Variants in TMIGD3 observed in about 807,000 individuals in gnomAD.
TMIGD3 encodes the protein transmembrane and immunoglobulin domain containing 3, also known as AD026 protein (AD026).
TMIGD3 carries 21 observed loss-of-function variants against 28.1 expected under a neutral mutation model. The ratio of observed to expected loss-of-function variants is 0.75; its 90% CI spans 0.53 to 1.08. The LOEUF is 1.08. Ranked by LOEUF, TMIGD3 falls within the 50% of genes least tolerant of loss-of-function variation. The pLI, the probability that TMIGD3 is intolerant of heterozygous loss-of-function variation, is 0.00. For synonymous variants in TMIGD3, 151 were observed against 162.1 expected (o/e 0.93, Z 0.52); for missense variants, 416 against 435.6 (o/e 0.96, Z 0.40).
chr1:111,551,523 T>A (rs935936116), intron 1 of TMIGD3, among the ~76,000 whole-genome samples: 10 of 152,216 alleles, frequency 6.6e-5, no homozygotes, highest in African/African-American at 2.4e-4. Context: ...TCCTATATAG[T>A]TCAGTTTCTT....
chr1:111,530,011 C>G (rs1252645946), intron 1 of TMIGD3, among the ~76,000 whole-genome samples: 4 of 98,652 alleles, frequency 4.1e-5, no homozygotes, highest in Non-Finnish European at 8.5e-5. Context: ...GACCCCCCCA[C>G]CTCCCTCCCG....
intron 1 of TMIGD3, among the ~76,000 whole-genome samples, chr1:111,511,812 C>A (rs1346146976): frequency 2.0e-5 from 3 of 152,160 alleles, no homozygotes; most frequent in Non-Finnish European, 2.9e-5. Context: ...GTCTTGTTCA[C>A]AATTCTATCT....
At position 111,546,937 on chromosome 1, in the gene TMIGD3, T is replaced by C. The variant is rs114062715; in HGVS notation, c.107+16909A>G. Among the ~76,000 whole-genome samples, 1,424 of 152,298 alleles carry C rather than the reference T, an allele frequency of 9.4e-3. 28 individuals are homozygous for C. Among genetic ancestry groups the C allele is most frequent in the African/African-American group, 0.033 (1,363 of 41,560 alleles). On this transcript the variant is annotated intron_variant, in intron 1 of 5. Transcript: ENST00000369717. The stretch of plus-strand genomic sequence containing the variant: ...TCCATATCGTCACCAACATTGTTAT[T>C]TTCTGTTTTGTTTTGTTTTGGTTTT...
chr1:111,559,360 T>A (rs1391549658), intron 1 of TMIGD3, among the ~76,000 whole-genome samples: 1 of 152,202 alleles, frequency 6.6e-6, no homozygotes, highest in Non-Finnish European at 1.5e-5. Flanking sequence ...ACACCCACTA[T>A]TAGGCATTTA....
chr1:111,553,781 C>T (rs1657371342), intron 1 of TMIGD3, among the ~76,000 whole-genome samples: 1 of 152,224 alleles, frequency 6.6e-6, no homozygotes, highest in African/African-American at 2.4e-5. Flanking sequence ...TTTCCTTTCC[C>T]CTTTTTTCCT....
intron 1 of TMIGD3, among the ~76,000 whole-genome samples, chr1:111,520,797 G>A (rs1656031707): frequency 6.6e-6 from 1 of 152,170 alleles, no homozygotes; most frequent in South Asian, 2.1e-4. Flanking sequence ...TTGTGTGCTG[G>A]TAGGTAGTAA....
In TMIGD3 at chr1:111,499,397, C is replaced by T. The variant is rs190300195; in HGVS notation, c.350+3608G>A. On this transcript the variant is annotated intron_variant, in intron 1 of 5. Coordinates refer to ENST00000369716, the MANE Select transcript of TMIGD3 (RefSeq NM_020683.7). The stretch of plus-strand genomic sequence containing the variant: ...AGACAGCCAGCTGGGTCTTTAAGCC[C>T]CAAGTTACCCCAGCAAAGAGCTACA... 8.2e-4 allele frequency: 815 copies of T among 988,194 alleles called. 4 individuals are homozygous for T. In the African/African-American group the frequency reaches 0.013, roughly 16 times the overall value. 61.2% of individuals were successfully genotyped at this position (988,194 alleles called of 1,614,324 possible).
At chr1:111,522,738 G>A (rs1054324694) in intron 1 of TMIGD3, among the ~76,000 whole-genome samples, 4 of 151,898 alleles carry the variant, frequency 2.6e-5, no homozygotes, top group East Asian at 1.9e-4. Flanking sequence ...GGCTGGTCTC[G>A]AACTCCTGAC....
At position 111,483,475 on chromosome 1, in the gene TMIGD3, T is replaced by G; in HGVS notation, c.*212A>C. 3.7e-6 allele frequency: 2 copies of G among 537,436 alleles called. No homozygotes were observed. The allele number at this position is 537,436 out of a possible 1,614,324, so 33.3% of individuals were successfully genotyped here. On this transcript the variant is annotated 3_prime_UTR_variant, in exon 6 of 6. Transcript: ENST00000369716. ...ATGCATAAGAACTAAGATCTTGAGA[T>G]GTTATTTGAGGGCAGCCTTGCTTGG...
intron 1 of TMIGD3, among the ~76,000 whole-genome samples, chr1:111,496,501 C>G (rs1279792667): frequency 6.6e-6 from 1 of 152,186 alleles, no homozygotes; most frequent in Non-Finnish European, 1.5e-5. Context: ...AACAGTAAAA[C>G]AAAACTTAAG....
intron 1 of TMIGD3, chr1:111,500,062 T>C (rs775106794): frequency 1.9e-6 from 3 of 1,614,230 alleles, no homozygotes; most frequent in African/African-American, 1.3e-5. Context: ...TTTATAGGCA[T>C]AGACGATAGG....
chr1:111,534,760 T>C (rs1260182528), intron 1 of TMIGD3, among the ~76,000 whole-genome samples: 1 of 152,082 alleles, frequency 6.6e-6, no homozygotes, highest in Non-Finnish European at 1.5e-5. Context: ...GTGTTTTGTG[T>C]TTGTGCATGT....
chr1:111,541,445 G>T (rs915185460), intron 1 of TMIGD3, among the ~76,000 whole-genome samples: 5 of 152,170 alleles, frequency 3.3e-5, no homozygotes, highest in African/African-American at 1.2e-4. Context: ...ACTAAAATCA[G>T]TAGATGTTTT....
chr1:111,509,093 T>G (rs1459088265), intron 1 of TMIGD3, among the ~76,000 whole-genome samples: 1 of 152,118 alleles, frequency 6.6e-6, no homozygotes, highest in Non-Finnish European at 1.5e-5. Context: ...AGACTCCGTC[T>G]CAAACAAACA....
At chr1:111,502,403 TTTA>T (rs1254737062) in intron 1 of TMIGD3, among the ~76,000 whole-genome samples, 1 of 133,454 alleles carries the variant, frequency 7.5e-6, no homozygotes, top group African/African-American at 2.8e-5. Flanking sequence ...GATACATATA[TTTA>T]TTATAGTGAA....
At chr1:111,500,623 G>A in intron 1 of TMIGD3, 3 of 1,469,524 alleles carry the variant, frequency 2.0e-6, no homozygotes, top group Non-Finnish European at 2.8e-6. Flanking sequence ...AGATGGAGCT[G>A]GTAAAGGAGA....
chr1:111,534,361 A>G (rs930317502), intron 1 of TMIGD3, among the ~76,000 whole-genome samples: 2 of 152,198 alleles, frequency 1.3e-5, no homozygotes, highest in Admixed American at 6.5e-5. Context: ...CAAAACGACA[A>G]TCTTGGCATC....
chr1:111,509,931 G>A (rs1220064999), intron 1 of TMIGD3, among the ~76,000 whole-genome samples: 3 of 152,232 alleles, frequency 2.0e-5, no homozygotes, highest in Non-Finnish European at 1.5e-5. Flanking sequence ...AAATGGCAGA[G>A]CTAGGGCCTG....
intron 3 of TMIGD3, among the ~76,000 whole-genome samples, chr1:111,488,284 G>A (rs989846402): frequency 2.0e-5 from 3 of 151,566 alleles, no homozygotes; most frequent in South Asian, 2.1e-4. Context: ...GTGCAGTGGC[G>A]CAATCTCGGC....
Sources: allele counts gnomAD v4.1 joint callset (sites outside exome capture counted in the v4.1 genomes callset), GRCh38; gene constraint gnomAD v4.1.1; transcripts MANE v1.5; gene names NCBI Gene and HGNC (gene_info 2026-07-23, HGNC 2026-07-21).